The following RYR2 variants were observed in gnomAD, a reference collection of about 807,000 sequenced individuals.
RYR2 encodes the protein cardiac muscle ryanodine receptor-calcium release channel.
Under a neutral mutation model 601.1 loss-of-function variants are expected in RYR2, and 227 were observed. The observed-to-expected ratio is 0.38, with a 90% CI of 0.34 to 0.42. The LOEUF (loss-of-function observed/expected upper bound fraction) is 0.42. Ranked by LOEUF, RYR2 falls within the 10% of genes least tolerant of loss-of-function variation. The probability of loss-of-function intolerance (pLI) is 1.00; values close to 1 mark genes in which losing one functional copy is unlikely to be tolerated. For missense variants in RYR2, 4,646 were observed against 6,156.5 expected (o/e 0.75, Z 8.21); for synonymous variants, 2,223 against 2,175.1 (o/e 1.02, Z -0.61).
At chr1:237,081,280 TAA>T (rs397815900) in intron 1 of RYR2, among the ~76,000 whole-genome samples, 729 of 56,256 alleles carry the variant, frequency 0.013, 1 homozygote, top group African/African-American at 0.032. Context: ...TAGAGTATAA[TAA>T]AAAAAAAAAA....
intron 1 of RYR2, among the ~76,000 whole-genome samples, chr1:237,147,755 A>C (rs1179209920): frequency 6.6e-6 from 1 of 152,220 alleles, no homozygotes; most frequent in Non-Finnish European, 1.5e-5. Flanking sequence ...TGTTGAACTG[A>C]ATCCTTTGCG....
At chr1:237,670,522 G>T (rs2148893527) in intron 58 of RYR2, among the ~76,000 whole-genome samples, 1 of 152,290 alleles carries the variant, frequency 6.6e-6, no homozygotes, top group African/African-American at 2.4e-5. Flanking sequence ...GAGTCATAGA[G>T]TTTTGTTTTG....
chr1:237,773,744 T>C (rs1277367785), intron 87 of RYR2, 96 bp downstream of exon 87: 7 of 929,740 alleles, frequency 7.5e-6, no homozygotes, highest in Non-Finnish European at 9.4e-6. Context: ...TTGACCCCTT[T>C]CTGAGTTTCT....
intron 47 of RYR2, among the ~76,000 whole-genome samples, chr1:237,642,119 G>A (rs1681620172): frequency 6.6e-6 from 1 of 152,170 alleles, no homozygotes; most frequent in African/African-American, 2.4e-5. Context: ...TCTAAAGTGG[G>A]ATGAGCATGA....
intron 96 of RYR2, 48 bp downstream of exon 96, chr1:237,795,379 AT>A: frequency 2.1e-6 from 2 of 952,718 alleles, no homozygotes; most frequent in Non-Finnish European, 3.2e-6. Flanking sequence ...CACAGTTTAG[AT>A]TTTTATTTGA....
chr1:237,799,817 G>C (rs936034383), intron 97 of RYR2, among the ~76,000 whole-genome samples: 1 of 152,148 alleles, frequency 6.6e-6, no homozygotes, highest in African/African-American at 2.4e-5. Context: ...CTCCATTCCT[G>C]GGGGTGGAAT....
intron 2 of RYR2, among the ~76,000 whole-genome samples, chr1:237,320,684 A>G (rs112952448): frequency 0.038 from 5,796 of 152,282 alleles, 257 homozygotes; most frequent in African/African-American, 0.11. Flanking sequence ...TCAACCAGAA[A>G]ATATTGTATC....
intron 2 of RYR2, among the ~76,000 whole-genome samples, chr1:237,322,569 T>G (rs1695724373): frequency 6.6e-6 from 1 of 152,172 alleles, no homozygotes; most frequent in African/African-American, 2.4e-5. Context: ...AATATCCCTG[T>G]CACAGAACTC....
intron 34 of RYR2, 130 bp from the exon 35 acceptor site, chr1:237,601,895 C>G (rs1367680696): frequency 1.5e-6 from 1 of 664,072 alleles, no homozygotes; most frequent in East Asian, 2.8e-5. Context: ...AGGAGCACAT[C>G]AATCGATATG....
At chr1:237,825,426 A>G (rs891418564) in intron 101 of RYR2, among the ~76,000 whole-genome samples, 4 of 152,234 alleles carry the variant, frequency 2.6e-5, no homozygotes, top group Admixed American at 2.6e-4. Context: ...AAGATTCCCT[A>G]TTTAATAAAT....
At chr1:237,737,090 A>G (rs1448363128) in intron 79 of RYR2, among the ~76,000 whole-genome samples, 1 of 152,202 alleles carries the variant, frequency 6.6e-6, no homozygotes, top group African/African-American at 2.4e-5. Flanking sequence ...GAGAATAGGT[A>G]GAAGCTCTTG....
chr1:237,768,660 A>G (rs936765505), intron 84 of RYR2, among the ~76,000 whole-genome samples: 4 of 152,206 alleles, frequency 2.6e-5, no homozygotes, highest in Non-Finnish European at 4.4e-5. Flanking sequence ...TTTCTTTTGC[A>G]CACATCACAA....
intron 1 of RYR2, among the ~76,000 whole-genome samples, chr1:237,249,820 C>G (rs1398128776): frequency 2.6e-5 from 4 of 152,144 alleles, no homozygotes; most frequent in Admixed American, 2.6e-4. Flanking sequence ...ATCAAACACT[C>G]ACTGAACATC....
At chr1:237,797,848 G>A (rs1053048481) in intron 96 of RYR2, among the ~76,000 whole-genome samples, 189 bp from the exon 97 acceptor site, 2 of 152,142 alleles carry the variant, frequency 1.3e-5, no homozygotes, top group African/African-American at 2.4e-5. Flanking sequence ...TAGGTATTAT[G>A]TAAGATGCTG....
intron 39 of RYR2, among the ~76,000 whole-genome samples, chr1:237,624,989 A>G (rs1171873081): frequency 6.6e-6 from 1 of 151,486 alleles, no homozygotes; most frequent in Non-Finnish European, 1.5e-5. Context: ...ATGTGTGTGT[A>G]TATATATATA....
chr1:237,700,691 C>T (rs1270516767), intron 65 of RYR2, among the ~76,000 whole-genome samples: 2 of 152,096 alleles, frequency 1.3e-5, no homozygotes, highest in East Asian at 1.9e-4. Context: ...CAGTAAGGTA[C>T]TGGTTATAGA....
intron 43 of RYR2, among the ~76,000 whole-genome samples, chr1:237,634,457 A>T (rs10925480): frequency 3.9e-5 from 6 of 152,028 alleles, no homozygotes; most frequent in East Asian, 1.9e-4. Flanking sequence ...TACCAGGTGT[A>T]GGGGGGAGTG....
chr1:237,729,649 TACTA>T (rs1276407101), intron 76 of RYR2, among the ~76,000 whole-genome samples: 3 of 152,176 alleles, frequency 2.0e-5, no homozygotes, highest in Non-Finnish European at 4.4e-5. Context: ...CCACATCTCT[TACTA>T]ACTTCATCAT....
chr1:237,468,183 CT>C (rs1660296381), intron 16 of RYR2, among the ~76,000 whole-genome samples: 2 of 152,192 alleles, frequency 1.3e-5, no homozygotes, highest in South Asian at 2.1e-4. Flanking sequence ...AGTGATTATT[CT>C]TATAGAGACA....
Sources: allele counts gnomAD v4.1 joint callset (sites outside exome capture counted in the v4.1 genomes callset), GRCh38; gene constraint gnomAD v4.1.1; transcripts MANE v1.5; gene names NCBI Gene and HGNC (gene_info 2026-07-23, HGNC 2026-07-21).